Variants in SH3GL3 observed in about 807,000 individuals in gnomAD.
SH3GL3 encodes the protein endophilin-A3.
SH3GL3 carries 33 observed loss-of-function variants against 47.7 expected under a neutral mutation model. The observed-to-expected ratio is 0.69, with a 90% confidence interval of 0.52 to 0.92. The LOEUF (loss-of-function observed/expected upper bound fraction) is 0.92. Ranked by LOEUF, SH3GL3 falls within the 40% of genes least tolerant of loss-of-function variation. SH3GL3 has a pLI of 0.00. For missense variants in SH3GL3, 363 were observed against 417.8 expected, an observed-to-expected ratio of 0.87 and a Z score of 1.14; for synonymous variants, 155 against 148.8, an observed-to-expected ratio of 1.04 and a Z score of -0.30.
intron 1 of SH3GL3, among the ~76,000 whole-genome samples, chr15:83,501,146 ACT>A (rs1200520783): frequency 3.3e-5 from 5 of 152,282 alleles, no homozygotes; most frequent in African/African-American, 1.2e-4. Flanking sequence ...ATAAGCAAGA[ACT>A]CTGCAATTCT....
At chr15:83,629,965 A>G in the SH3GL3 span, among the ~76,000 whole-genome samples, 1 of 152,170 alleles carries the variant, frequency 6.6e-6, no homozygotes, top group East Asian at 1.9e-4. Context: ...TAATTTCCAT[A>G]TGTCATGGGA....
At chr15:83,565,036 T>C (rs1596270488) in intron 2 of SH3GL3, 98 bp from the exon 3 acceptor site, 1 of 577,918 alleles carries the variant, frequency 1.7e-6, no homozygotes, top group East Asian at 2.9e-5. Context: ...ATAATCGTGT[T>C]AGAAGAATTA....
chr15:83,536,048 A>G (rs970026443), intron 1 of SH3GL3, among the ~76,000 whole-genome samples: 2 of 152,246 alleles, frequency 1.3e-5, no homozygotes, highest in Non-Finnish European at 2.9e-5. Context: ...GGATATGCAA[A>G]AAGTGAATAC....
the SH3GL3 span, among the ~76,000 whole-genome samples, chr15:83,630,354 A>G: frequency 6.6e-6 from 1 of 152,180 alleles, no homozygotes; most frequent in Admixed American, 6.5e-5. Context: ...AAAATTAAAC[A>G]TTTTTGCTCC....
chr15:83,489,835 GCCGATAGATAGA>G (rs2041784075), intron 1 of SH3GL3, among the ~76,000 whole-genome samples: 1 of 137,452 alleles, frequency 7.3e-6, no homozygotes, highest in African/African-American at 2.8e-5. Flanking sequence ...ATTGTCAGAA[GCCGATAGATAGA>G]TAGATAGATA....
intron 1 of SH3GL3, among the ~76,000 whole-genome samples, chr15:83,458,317 C>CT (rs909101123): frequency 2.0e-5 from 3 of 152,242 alleles, no homozygotes; most frequent in Admixed American, 6.5e-5. Context: ...ATGGGAATTC[C>CT]TTCCCAATTT....
intron 7 of SH3GL3, 63 bp downstream of exon 7, chr15:83,587,149 CT>C: frequency 1.2e-6 from 1 of 826,678 alleles, no homozygotes; most frequent in Non-Finnish European, 2.0e-6. Context: ...TGAAATCCAT[CT>C]GTCTGTCTCT....
intron 6 of SH3GL3, among the ~76,000 whole-genome samples, chr15:83,581,356 A>T (rs572446657): frequency 4.6e-5 from 7 of 152,326 alleles, no homozygotes; most frequent in African/African-American, 1.7e-4. Flanking sequence ...ATGAGATCAC[A>T]TGCCAGCCCC....
intron 1 of SH3GL3, among the ~76,000 whole-genome samples, chr15:83,504,073 A>G (rs1373242641): frequency 9.9e-5 from 15 of 152,172 alleles, no homozygotes; most frequent in Non-Finnish European, 7.3e-5. Flanking sequence ...TACATTTTAC[A>G]TATGATTGTC....
intron 5 of SH3GL3, among the ~76,000 whole-genome samples, chr15:83,576,087 T>C (rs2059668283): frequency 6.6e-6 from 1 of 152,212 alleles, no homozygotes; most frequent in Admixed American, 6.5e-5. Flanking sequence ...TTACGCAACT[T>C]ATTTCTTGAT....
At chr15:83,462,744 G>A (rs2040363940) in intron 1 of SH3GL3, among the ~76,000 whole-genome samples, 1 of 152,190 alleles carries the variant, frequency 6.6e-6, no homozygotes, top group South Asian at 2.1e-4. Flanking sequence ...GTCTTAAAAT[G>A]ATAGCCAACA....
chr15:83,484,874 A>AT (rs906165006), intron 1 of SH3GL3, among the ~76,000 whole-genome samples: 7 of 152,010 alleles, frequency 4.6e-5, no homozygotes, highest in African/African-American at 1.4e-4. Context: ...TATTTAAAAC[A>AT]TTTTTTTTGG....
chr15:83,553,905 A>G (rs1462876499), intron 1 of SH3GL3, among the ~76,000 whole-genome samples: 4 of 151,564 alleles, frequency 2.6e-5, no homozygotes, highest in African/African-American at 4.8e-5. Flanking sequence ...GTTGTTTCCT[A>G]TGGTCCATAC....
intron 1 of SH3GL3, among the ~76,000 whole-genome samples, chr15:83,501,101 GTT>G (rs1405343698): frequency 6.6e-6 from 1 of 152,036 alleles, no homozygotes; most frequent in Non-Finnish European, 1.5e-5. Flanking sequence ...TTCACCTGAC[GTT>G]TTTAGTGTTC....
chr15:83,558,080 G>A (rs150294394), intron 1 of SH3GL3, among the ~76,000 whole-genome samples: 28 of 152,190 alleles, frequency 1.8e-4, no homozygotes, highest in African/African-American at 6.7e-4. Context: ...TTTAATTGAT[G>A]GCACCTCCCT....
intron 1 of SH3GL3, among the ~76,000 whole-genome samples, chr15:83,493,650 C>A (rs62027517): frequency 0.066 from 10,027 of 152,204 alleles, 480 homozygotes; most frequent in Middle Eastern, 0.14. Flanking sequence ...TAAATTCCAT[C>A]CTGTGAGCTC....
chr15:83,459,849 C>T (rs1317284330), intron 1 of SH3GL3, among the ~76,000 whole-genome samples: 1 of 152,144 alleles, frequency 6.6e-6, no homozygotes, highest in Non-Finnish European at 1.5e-5. Context: ...TTCTGCTCTT[C>T]TTCCTTCTCT....
At chr15:83,580,028 A>G (rs1017871032) in intron 6 of SH3GL3, among the ~76,000 whole-genome samples, 1 of 152,214 alleles carries the variant, frequency 6.6e-6, no homozygotes, top group Non-Finnish European at 1.5e-5. Context: ...ATGCCAATAC[A>G]TGGTTGATGG....
intron 1 of SH3GL3, among the ~76,000 whole-genome samples, chr15:83,511,042 A>C (rs981402277): frequency 6.6e-6 from 1 of 152,170 alleles, no homozygotes; most frequent in Non-Finnish European, 1.5e-5. Flanking sequence ...ACCTAATGTA[A>C]ATGACAAGTT....
Sources: gnomAD v4.1 joint callset for allele counts (sites outside exome capture counted in the v4.1 genomes callset) on GRCh38, gnomAD v4.1.1 for gene constraint, MANE v1.5 for transcripts, NCBI Gene and HGNC (gene_info 2026-07-23, HGNC 2026-07-21) for gene names.